TMPRSS11F: variants seen among roughly 807,000 people sequenced by gnomAD.
TMPRSS11F encodes transmembrane serine protease 11F, also known as transmembrane protease serine 11F.
Under a neutral mutation model 60.2 loss-of-function variants are expected in TMPRSS11F, and 47 were observed. The observed-to-expected ratio is 0.78, with a 90% CI of 0.62 to 1.00. The LOEUF (loss-of-function observed/expected upper bound fraction) is 1.00. TMPRSS11F is among the 50% of genes least tolerant of loss of function. The probability of loss-of-function intolerance (pLI) is 0.00; values close to 1 mark genes in which losing one functional copy is unlikely to be tolerated. For synonymous variants in TMPRSS11F, 166 were observed against 167.3 expected (o/e 0.99, Z 0.06); for missense variants, 519 against 522.9 (o/e 0.99, Z 0.07).
chr4:68,107,941 T>A (rs1382108190), intron 1 of TMPRSS11F, among the ~76,000 whole-genome samples: 1 of 151,784 alleles, frequency 6.6e-6, no homozygotes, highest in Non-Finnish European at 1.5e-5. Flanking sequence ...GTCTCAAATT[T>A]AAAAAAAAGA....
At chr4:68,116,517 C>T (rs1272529660) in intron 1 of TMPRSS11F, among the ~76,000 whole-genome samples, 1 of 152,100 alleles carries the variant, frequency 6.6e-6, no homozygotes, top group Non-Finnish European at 1.5e-5. Flanking sequence ...TGGACTCACA[C>T]AAGACCCCAA....
chr4:68,056,034 T>A (rs571490706), intron 9 of TMPRSS11F, among the ~76,000 whole-genome samples: 57 of 152,252 alleles, frequency 3.7e-4, no homozygotes, highest in Non-Finnish European at 5.7e-4. Flanking sequence ...AATAGGTGTA[T>A]GTCAAACACA....
At position 68,102,984 on chromosome 4, in the gene TMPRSS11F, G is replaced by T. The variant is rs200061453; in HGVS notation, c.12-3946C>A. Among the ~76,000 whole-genome samples the T allele has an allele frequency of 2.6e-3, 353 of 138,140 alleles. 3 individuals are homozygous for T. Among genetic ancestry groups the T allele is most frequent in the African/African-American group, 7.6e-3 (285 of 37,490 alleles). 90.6% of individuals were successfully genotyped at this position (138,140 alleles called of 152,430 possible). A position where few individuals can be genotyped will look rare whatever the true frequency, so the allele number is the denominator to read the frequency against. ...TAGGTCTTTTATCCAATTTTGAGTTGTTTTTTTTTTTTTTGTAAGGTGTAA... is the reference window on the plus strand; with the variant it reads ...TAGGTCTTTTATCCAATTTTGAGTTTTTTTTTTTTTTTTTGTAAGGTGTAA... On this transcript the variant is annotated intron_variant, in intron 1 of 9. Coordinates refer to ENST00000356291, the MANE Select transcript of TMPRSS11F (RefSeq NM_207407.2).
intron 3 of TMPRSS11F, among the ~76,000 whole-genome samples, chr4:68,084,416 T>A (rs1327361351): frequency 6.6e-6 from 1 of 152,126 alleles, no homozygotes; most frequent in African/African-American, 2.4e-5. Context: ...TAAAGTTAGC[T>A]ACAGAGACGG....
rs1724564320 is a variant in TMPRSS11F at position 68,118,274 on chromosome 4, G to A, written c.11+11536C>T. 2.0e-5 allele frequency among the ~76,000 whole-genome samples: 3 copies of A among 152,092 alleles called. No individual in the cohort carries two copies. The South Asian group carries it at 6.2e-4, about 32-fold the overall frequency. On this transcript the variant is annotated intron_variant, in intron 1 of 9. Transcript: ENST00000356291. Reference sequence around the variant, plus strand: ...TAATCACAATTGAAAACACCCAAATGAATACACATACTTAAACATTAATTC... The same window carrying A: ...TAATCACAATTGAAAACACCCAAATAAATACACATACTTAAACATTAATTC...
rs980930238 is a variant in TMPRSS11F, at chr4:68,127,882, C to T, written c.11+1928G>A. Among the ~76,000 whole-genome samples, 8 of 152,020 alleles carry T rather than the reference C, an allele frequency of 5.3e-5. No homozygotes were observed. In the East Asian group the frequency reaches 1.4e-3, roughly 26 times the overall value. On this transcript the variant is annotated intron_variant, in intron 1 of 9. Transcript: ENST00000356291. Reference sequence around the variant, plus strand: ...ATACCAAAATAAACCAAAGAATAAACCAATAAACCAAAAATTGCTTTTAGC... The same window carrying T: ...ATACCAAAATAAACCAAAGAATAAATCAATAAACCAAAAATTGCTTTTAGC...
At chr4:68,103,646 T>C (rs995723361) in intron 1 of TMPRSS11F, among the ~76,000 whole-genome samples, 7 of 152,134 alleles carry the variant, frequency 4.6e-5, no homozygotes, top group African/African-American at 1.7e-4. Context: ...TCAAGGTCTT[T>C]TATGGCTCCA....
Position 68,053,856 on chromosome 4 carries a change from A to G in TMPRSS11F, c.*53T>C. On this transcript the variant is annotated 3_prime_UTR_variant, in exon 10 of 10. Transcript: ENST00000356291. ...TAAATGAATTTAAACAATACAAAAT[A>G]CGCAGGAGTATCAGCTCTGTGTGCC... The G allele has an allele frequency of 6.6e-7, 1 of 1,518,730 alleles. No individual in the cohort carries two copies. The highest frequency in any genetic ancestry group is 1.8e-5 in the Admixed American group (1 of 55,072). 94.1% of individuals were successfully genotyped at this position (1,518,730 alleles called of 1,614,324 possible).
intron 5 of TMPRSS11F, among the ~76,000 whole-genome samples, chr4:68,070,802 T>C (rs76235555): frequency 0.041 from 6,188 of 152,266 alleles, 372 homozygotes; most frequent in African/African-American, 0.13. Flanking sequence ...GTGATTTTAT[T>C]AGAAACATTG....
Position 68,059,313 on chromosome 4 carries a change from A to G in TMPRSS11F, c.1158+13T>C. The G allele has an allele frequency of 6.2e-7, 1 of 1,612,284 alleles. No homozygotes were observed. On this transcript the variant is annotated intron_variant, in intron 9 of 9. Coordinates refer to ENST00000356291, the MANE Select transcript of TMPRSS11F (RefSeq NM_207407.2). ...CTTTCCTCATAAACTTTTGGCCTTGACTTTAAACTTACCTTACATGCATCT... is the reference window on the plus strand; with the variant it reads ...CTTTCCTCATAAACTTTTGGCCTTGGCTTTAAACTTACCTTACATGCATCT...
intron 3 of TMPRSS11F, among the ~76,000 whole-genome samples, chr4:68,083,406 A>G (rs888604892): frequency 5.9e-5 from 9 of 152,162 alleles, no homozygotes; most frequent in Admixed American, 3.9e-4. Flanking sequence ...TTGCAAACAC[A>G]CTGAAATACA....
At chr4:68,103,788 A>G (rs1042932647) in intron 1 of TMPRSS11F, among the ~76,000 whole-genome samples, 3 of 152,154 alleles carry the variant, frequency 2.0e-5, no homozygotes, top group Non-Finnish European at 2.9e-5. Context: ...GATTCAGAAC[A>G]TAGGATATCT....
At chr4:68,081,314 A>G (rs1393264522) in intron 3 of TMPRSS11F, among the ~76,000 whole-genome samples, 1 of 152,208 alleles carries the variant, frequency 6.6e-6, no homozygotes, top group Non-Finnish European at 1.5e-5. Flanking sequence ...CATGTCATTT[A>G]TAGTATTATC....
At chr4:68,112,231 AGCCTTTGAACAT>A (rs1408236566) in intron 1 of TMPRSS11F, among the ~76,000 whole-genome samples, 1 of 152,060 alleles carries the variant, frequency 6.6e-6, no homozygotes, top group Non-Finnish European at 1.5e-5. Flanking sequence ...ACTGTCTTTG[AGCCTTTGAACAT>A]GCCCCCACAC....
chr4:68,076,195 T>C (rs545908342), intron 3 of TMPRSS11F, among the ~76,000 whole-genome samples: 2 of 152,264 alleles, frequency 1.3e-5, no homozygotes, highest in South Asian at 4.1e-4. Flanking sequence ...GTAAAACCAC[T>C]GTCCAAATAA....
intron 9 of TMPRSS11F, among the ~76,000 whole-genome samples, chr4:68,058,943 C>T (rs1723099428): frequency 6.6e-6 from 1 of 151,960 alleles, no homozygotes; most frequent in African/African-American, 2.4e-5. Flanking sequence ...GGTCTAGGAA[C>T]TAAAAGTCCA....
At chr4:68,116,305 A>C (rs1724517672) in intron 1 of TMPRSS11F, among the ~76,000 whole-genome samples, 1 of 152,192 alleles carries the variant, frequency 6.6e-6, no homozygotes, top group Non-Finnish European at 1.5e-5. Flanking sequence ...TCCACTTTAG[A>C]AACTGGTTTG....
At chr4:68,063,182 C>CA in intron 8 of TMPRSS11F, 1 of 600,758 alleles carries the variant, frequency 1.7e-6, no homozygotes, top group South Asian at 1.4e-5. Flanking sequence ...AAACAGCTGA[C>CA]AAAAACCCAA....
intron 9 of TMPRSS11F, among the ~76,000 whole-genome samples, chr4:68,056,196 G>T (rs1723041280): frequency 6.6e-6 from 1 of 152,094 alleles, no homozygotes; most frequent in Non-Finnish European, 1.5e-5. Context: ...GCAAGAGAAA[G>T]AAATAGAAGA....
Sources: gnomAD v4.1 joint callset for allele counts (sites outside exome capture counted in the v4.1 genomes callset) on GRCh38, gnomAD v4.1.1 for gene constraint, MANE v1.5 for transcripts, NCBI Gene and HGNC (gene_info 2026-07-23, HGNC 2026-07-21) for gene names.